The following WDFY4 variants were observed in gnomAD, a reference collection of about 807,000 sequenced individuals.
WDFY4 encodes the protein WD repeat- and FYVE domain-containing protein 4.
A neutral mutation model predicts 351.9 loss-of-function variants in WDFY4; 169 were observed. The ratio of observed to expected loss-of-function variants is 0.48; its 90% CI spans 0.42 to 0.55. The LOEUF (loss-of-function observed/expected upper bound fraction) is 0.55, where lower values mean the gene tolerates loss of function less well. Among genes scored for constraint, WDFY4 ranks in the 20% least tolerant of loss-of-function variants. The pLI, the probability that WDFY4 is intolerant of heterozygous loss-of-function variation, is 0.00. For missense variants in WDFY4, 3,803 were observed against 3,935.6 expected (o/e 0.97, Z 0.90); for synonymous variants, 1,622 against 1,574.6 (o/e 1.03, Z -0.71).
At chr10:48,854,114 ATTT>A (rs11331850) in intron 39 of WDFY4, among the ~76,000 whole-genome samples, 3 of 138,518 alleles carry the variant, frequency 2.2e-5, no homozygotes, top group African/African-American at 5.5e-5. Flanking sequence ...AGTCTAAGTC[ATTT>A]TTTTTTTTTT....
At chr10:48,954,241 C>A (rs923139092) in intron 51 of WDFY4, among the ~76,000 whole-genome samples, 1 of 152,204 alleles carries the variant, frequency 6.6e-6, no homozygotes, top group East Asian at 1.9e-4. Context: ...ACAACTGTAA[C>A]CTTTTGCCTC....
At chr10:48,730,656 T>A (rs1289875127) in intron 8 of WDFY4, among the ~76,000 whole-genome samples, 1 of 152,224 alleles carries the variant, frequency 6.6e-6, no homozygotes, top group Non-Finnish European at 1.5e-5. Flanking sequence ...TGCTCTCCAA[T>A]GGAAATACAA....
intron 1 of WDFY4, among the ~76,000 whole-genome samples, chr10:48,689,425 A>C (rs2063139768): frequency 6.6e-6 from 1 of 152,266 alleles, no homozygotes; most frequent in South Asian, 2.1e-4. Flanking sequence ...CCAGATTTTA[A>C]AGATGTTACA....
rs1006734794 is a variant in WDFY4, at chr10:48,811,599, G to T, written c.5105G>T (p.Arg1702Leu). ...EQSPCLLPGFRVLNDFLAHHV... is the reference protein window; with the variant it reads ...EQSPCLLPGFLVLNDFLAHHV... ...AGCCCATGCCTGCTTCCTGGGTTCC[G>T]TGTCTTGAATGACTTTCTGGCCCAC... The change falls in exon 30 of 62, where the codon CGT becomes CTT. Residue 1702 changes from arginine to leucine, a missense_variant. Coordinates refer to ENST00000325239, the MANE Select transcript of WDFY4 (RefSeq NM_001394531.1). The T allele has an allele frequency of 1.3e-6, 2 of 1,552,096 alleles. No homozygotes were observed. The highest frequency in any genetic ancestry group is 2.4e-5 in the South Asian group (2 of 84,062).
intron 13 of WDFY4, among the ~76,000 whole-genome samples, chr10:48,771,717 T>C (rs2065871554): frequency 6.6e-6 from 1 of 152,204 alleles, no homozygotes; most frequent in Admixed American, 6.5e-5. Context: ...GGACAATGTG[T>C]CTGCCCACGT....
chr10:48,958,131 G>C (rs916240870), intron 52 of WDFY4, among the ~76,000 whole-genome samples: 2 of 152,196 alleles, frequency 1.3e-5, no homozygotes, highest in East Asian at 1.9e-4. Context: ...GCCCCTGTAG[G>C]GGGTACAGCA....
chr10:48,775,611 T>C, intron 14 of WDFY4, 101 bp from the exon 15 acceptor site: 2 of 1,133,888 alleles, frequency 1.8e-6, no homozygotes, highest in South Asian at 2.8e-5. Context: ...GGCTGGGAGG[T>C]CAGGGAGCTC....
chr10:48,732,441 C>A (rs945314330), intron 9 of WDFY4, among the ~76,000 whole-genome samples: 13 of 152,176 alleles, frequency 8.5e-5, no homozygotes, highest in African/African-American at 3.1e-4. Flanking sequence ...TCTCCTTCTC[C>A]CACTGCACTG....
At chr10:48,697,608 A>G (rs562103631) in intron 1 of WDFY4, among the ~76,000 whole-genome samples, 30 of 152,316 alleles carry the variant, frequency 2.0e-4, no homozygotes, top group Admixed American at 6.5e-4. Flanking sequence ...TCGTTGGGTT[A>G]TCTCCAGGGT....
chr10:48,891,660 G>A (rs1003084862), intron 44 of WDFY4, among the ~76,000 whole-genome samples: 15 of 152,182 alleles, frequency 9.9e-5, no homozygotes, highest in African/African-American at 2.9e-4. Flanking sequence ...CAGATGCCTG[G>A]GTCCTGCCCC....
chr10:48,897,616 G>T (rs1358982226), intron 45 of WDFY4, 42 bp downstream of exon 45: 14 of 1,533,038 alleles, frequency 9.1e-6, no homozygotes, highest in Non-Finnish European at 1.1e-5. Flanking sequence ...CCTGCGAGAG[G>T]CAGGGCCATG....
rs192183488 is a variant in WDFY4 at position 48,846,277 on chromosome 10, G to A, written c.6663+13568G>A. 2.9e-3 allele frequency among the ~76,000 whole-genome samples: 449 copies of A among 152,208 alleles called. 2 individuals are homozygous for A. Among genetic ancestry groups the A allele is most frequent in the African/African-American group, 0.01 (422 of 41,538 alleles). On this transcript the variant is annotated intron_variant, in intron 39 of 61. Coordinates refer to ENST00000325239, the MANE Select transcript of WDFY4 (RefSeq NM_001394531.1). ...GTAGTAGTGCAGGCTATTTTCTCCCGTCTCTACCCTTGGGAAAATGTGGTC... is the reference window on the plus strand; with the variant it reads ...GTAGTAGTGCAGGCTATTTTCTCCCATCTCTACCCTTGGGAAAATGTGGTC...
Position 48,790,814 on chromosome 10 carries a change from C to G in WDFY4, c.4154C>G (p.Ala1385Gly). 1 of 1,551,804 alleles carries G rather than the reference C, an allele frequency of 6.4e-7. No homozygotes were observed. Among genetic ancestry groups the G allele is most frequent in the Non-Finnish European group, 8.7e-7 (1 of 1,147,028 alleles). ...PAILLGLISL[A>G]TDDHTMYAAV... ...ATCCTCCTGGGCCTCATCTCCTTAG[C>G]GACAGATGACCATACCATGTATGCG... The change falls in exon 23 of 62, where the codon GCG (alanine) becomes GGG (glycine). Residue 1385 changes from alanine (A) to glycine (G), a missense_variant. Coordinates refer to ENST00000325239, the MANE Select transcript of WDFY4 (RefSeq NM_001394531.1).
At chr10:48,876,581 C>T (rs2070019337) in intron 42 of WDFY4, among the ~76,000 whole-genome samples, 1 of 147,210 alleles carries the variant, frequency 6.8e-6, no homozygotes, top group Non-Finnish European at 1.5e-5. Flanking sequence ...TTTTATTTCT[C>T]ACAACTTCAT....
In WDFY4 at chr10:48,897,711, C is replaced by T. The variant is rs1490187963; in HGVS notation, c.7437+137C>T. 2.2e-6 allele frequency: 3 copies of T among 1,351,908 alleles called. No individual in the cohort carries two copies. The Admixed American group carries it at 8.1e-5, about 37-fold the overall frequency. The allele number at this position is 1,351,908 out of a possible 1,614,324, so 83.7% of individuals were successfully genotyped here. A position where few individuals can be genotyped will look rare whatever the true frequency, so the allele number is the denominator to read the frequency against. Reference sequence around the variant, plus strand: ...GCACAGCCCAGTGCCCTTAAGGAGACACCCGCAAGTTCCCTGGGCTTGTGG... The same window carrying T: ...GCACAGCCCAGTGCCCTTAAGGAGATACCCGCAAGTTCCCTGGGCTTGTGG... On this transcript the variant is annotated intron_variant, in intron 45 of 61. Transcript: ENST00000325239.
rs1842502253 is a variant in WDFY4, at chr10:48,974,961, G to T, written c.9028G>T (p.Asp3010Tyr). Residue 3010 changes from aspartate to tyrosine, a missense_variant, in exon 58 of 62, where the codon GAT becomes TAT. Asp to Tyr is a radical substitution (Grantham distance 160). Around this residue, in one of 3 missense-constraint regions of WDFY4, gnomAD observed 3,054 missense variants for 3,148.6 expected, o/e 0.97. Coordinates refer to ENST00000325239, the MANE Select transcript of WDFY4 (RefSeq NM_001394531.1). The stretch of plus-strand genomic sequence containing the variant: ...CCAGGACTGCACCTGTATCCTGTGG[G>T]ATCTGGACCACCTCACCCACGTGAC... ...GSQDCTCILW[D>Y]LDHLTHVTRL... is the part of the protein sequence containing the mutation. 2 of 1,551,536 alleles carry T rather than the reference G, an allele frequency of 1.3e-6. No individual in the cohort carries two copies. The highest frequency in any genetic ancestry group is 8.7e-7 in the Non-Finnish European group (1 of 1,146,996).
intron 38 of WDFY4, 111 bp from the exon 39 acceptor site, chr10:48,832,462 G>A: frequency 7.8e-7 from 1 of 1,282,758 alleles, no homozygotes; most frequent in South Asian, 1.8e-5. Context: ...CTTTTTGGAG[G>A]CAACCACAGG....
intron 13 of WDFY4, among the ~76,000 whole-genome samples, chr10:48,760,976 A>G (rs2065484860): frequency 6.6e-6 from 1 of 152,200 alleles, no homozygotes; most frequent in Non-Finnish European, 1.5e-5. Context: ...TGAAATTATG[A>G]ATTGTGACGA....
intron 55 of WDFY4, 50 bp downstream of exon 55, chr10:48,966,723 T>G (rs979537929): frequency 6.5e-7 from 1 of 1,526,952 alleles, no homozygotes; most frequent in African/African-American, 1.4e-5. Flanking sequence ...GGGTTGTCCC[T>G]TCAGTGGCTG....
Sources: gnomAD v4.1 joint callset for allele counts (sites outside exome capture counted in the v4.1 genomes callset) on GRCh38, gnomAD v4.1.1 for gene constraint, gnomAD v4.1.1 regional missense constraint, MANE v1.5 for transcripts, NCBI Gene and HGNC (gene_info 2026-07-23, HGNC 2026-07-21) for gene names.